The following ADARB2 variants were observed in gnomAD, a reference collection of about 807,000 sequenced individuals.
ADARB2 encodes the protein inactive double-stranded RNA-specific editase B2.
In ADARB2, 25 loss-of-function variants were observed where a neutral mutation model predicts 62.2. The observed-to-expected ratio is 0.40, with a 90% CI of 0.29 to 0.56. The LOEUF (loss-of-function observed/expected upper bound fraction) is 0.56, where lower values mean the gene tolerates loss of function less well. Ranked by LOEUF, ADARB2 falls within the 20% of genes least tolerant of loss-of-function variation. ADARB2 has a pLI of 0.43. For synonymous variants in ADARB2, 572 were observed against 500.8 expected (o/e 1.14, Z -1.90); for missense variants, 1,071 against 1,077.4 (o/e 0.99, Z 0.08).
chr10:1,571,560 A>G (rs1390906731), intron 1 of ADARB2, among the ~76,000 whole-genome samples: 1 of 152,262 alleles, frequency 6.6e-6, no homozygotes, highest in African/African-American at 2.4e-5. Flanking sequence ...ATGAAGCCAG[A>G]TACGTGGGTA....
chr10:1,634,295 C>T (rs375287522), intron 1 of ADARB2, among the ~76,000 whole-genome samples: 1 of 152,344 alleles, frequency 6.6e-6, no homozygotes, highest in South Asian at 2.1e-4. Flanking sequence ...GCCACAGACA[C>T]AGCACACAGA....
chr10:1,308,149 A>G (rs1831649197), intron 3 of ADARB2, among the ~76,000 whole-genome samples: 1 of 151,966 alleles, frequency 6.6e-6, no homozygotes, highest in South Asian at 2.1e-4. Flanking sequence ...CCCTGCCCTA[A>G]AATCCCCTGT....
intron 1 of ADARB2, among the ~76,000 whole-genome samples, chr10:1,493,450 G>A (rs1035087411): frequency 6.6e-6 from 1 of 152,110 alleles, no homozygotes; most frequent in African/African-American, 2.4e-5. Context: ...AAGATTCAGA[G>A]GATAAAATAG....
intron 1 of ADARB2, among the ~76,000 whole-genome samples, chr10:1,533,243 C>G (rs530209357): frequency 2.0e-5 from 3 of 151,602 alleles, no homozygotes; most frequent in African/African-American, 7.3e-5. Context: ...CTCAGCCTCC[C>G]GAGTAGCTGG....
At chr10:1,372,338 G>A (rs1224623102) in intron 2 of ADARB2, among the ~76,000 whole-genome samples, 17 of 152,044 alleles carry the variant, frequency 1.1e-4, no homozygotes, top group Admixed American at 9.2e-4. Flanking sequence ...GGTAAGATTC[G>A]AACAATCAGC....
chr10:1,718,509 A>G (rs1457638053), intron 1 of ADARB2, among the ~76,000 whole-genome samples: 1 of 152,200 alleles, frequency 6.6e-6, no homozygotes, highest in Non-Finnish European at 1.5e-5. Flanking sequence ...CCTCCGTGTG[A>G]GTCCACAATC....
At chr10:1,407,182 C>T (rs71491384) in intron 1 of ADARB2, among the ~76,000 whole-genome samples, 17,148 of 152,160 alleles carry the variant, frequency 0.11, 1,047 homozygotes, top group South Asian at 0.21. Context: ...TGGCACAGAC[C>T]GAGCGGACCC....
At chr10:1,476,761 A>G (rs1831406012) in intron 1 of ADARB2, among the ~76,000 whole-genome samples, 1 of 152,182 alleles carries the variant, frequency 6.6e-6, no homozygotes. Flanking sequence ...AGGGAGGCAG[A>G]GGCGTCCCCG....
At chr10:1,713,826 A>G (rs192356970) in intron 1 of ADARB2, among the ~76,000 whole-genome samples, 1 of 152,314 alleles carries the variant, frequency 6.6e-6, no homozygotes, top group African/African-American at 2.4e-5. Flanking sequence ...TTCCTTGAGG[A>G]CACAGAGAGC....
chr10:1,467,029 C>T (rs1022386915), intron 1 of ADARB2, among the ~76,000 whole-genome samples: 4 of 151,652 alleles, frequency 2.6e-5, no homozygotes, highest in Non-Finnish European at 2.9e-5. Flanking sequence ...TTCTGGTTTC[C>T]GGTCTATTTA....
intron 3 of ADARB2, among the ~76,000 whole-genome samples, chr10:1,287,925 C>G (rs1831428098): frequency 6.6e-6 from 1 of 152,230 alleles, no homozygotes; most frequent in Non-Finnish European, 1.5e-5. Context: ...ACTGCTGACA[C>G]AAACATTGTC....
At chr10:1,686,615 G>A (rs1834599833) in intron 1 of ADARB2, among the ~76,000 whole-genome samples, 1 of 152,134 alleles carries the variant, frequency 6.6e-6, no homozygotes, top group Admixed American at 6.5e-5. Flanking sequence ...TGGGCTTCCG[G>A]CACACAATTA....
Position 1,379,061 on chromosome 10 carries a change from G to A in ADARB2, c.187+13C>T, listed in dbSNP as rs369026949. The A allele has an allele frequency of 1.9e-6, 3 of 1,607,360 alleles. No homozygotes were observed. The highest frequency in any genetic ancestry group is 2.6e-6 in the Non-Finnish European group (3 of 1,173,978). ...GGGGCCTTTGTGTACTTCGGGGAAG[G>A]GAAGTTGCTTACTGAGGGTGTCGTC... is the stretch of plus-strand genomic sequence containing the variant. On this transcript the variant is annotated intron_variant, in intron 2 of 9. Coordinates refer to ENST00000381312, the MANE Select transcript of ADARB2 (RefSeq NM_018702.4).
intron 1 of ADARB2, among the ~76,000 whole-genome samples, chr10:1,419,599 T>A (rs1832835986): frequency 6.6e-6 from 1 of 152,184 alleles, no homozygotes; most frequent in African/African-American, 2.4e-5. Context: ...GCCCAGATGG[T>A]TGGTGCTGCA....
At chr10:1,552,615 T>C (rs1832642662) in intron 1 of ADARB2, among the ~76,000 whole-genome samples, 1 of 142,600 alleles carries the variant, frequency 7.0e-6, no homozygotes, top group African/African-American at 2.7e-5. Context: ...GTGAAGAGCC[T>C]TTTTCTGGCC....
chr10:1,633,535 G>A (rs1412415850), intron 1 of ADARB2, among the ~76,000 whole-genome samples: 2 of 87,278 alleles, frequency 2.3e-5, no homozygotes, highest in African/African-American at 3.1e-5. Flanking sequence ...CTGTCTGTCT[G>A]TCTGTCTATC....
chr10:1,676,522 T>C (rs761804240), intron 1 of ADARB2, among the ~76,000 whole-genome samples: 23 of 152,158 alleles, frequency 1.5e-4, no homozygotes, highest in Non-Finnish European at 3.1e-4. Context: ...TAAATGGAAT[T>C]TTCCCCCTTC....
At chr10:1,617,086 G>A (rs1002235886) in intron 1 of ADARB2, among the ~76,000 whole-genome samples, 13 of 141,858 alleles carry the variant, frequency 9.2e-5, no homozygotes, top group African/African-American at 3.1e-4. Context: ...ACATTCTGTC[G>A]CTAGATGTTT....
chr10:1,705,176 C>T (rs1176853105), intron 1 of ADARB2, among the ~76,000 whole-genome samples: 1 of 152,202 alleles, frequency 6.6e-6, no homozygotes, highest in East Asian at 1.9e-4. Context: ...ACCCTAAAGT[C>T]CTCTTGATCT....
Sources: gnomAD v4.1 joint callset for allele counts (sites outside exome capture counted in the v4.1 genomes callset) on GRCh38, gnomAD v4.1.1 for gene constraint, MANE v1.5 for transcripts, NCBI Gene and HGNC (gene_info 2026-07-23, HGNC 2026-07-21) for gene names.